The following DAGLB variants were observed in gnomAD, a reference collection of about 807,000 sequenced individuals.
The protein encoded by DAGLB is diacylglycerol lipase beta, also known as diacylglycerol lipase-beta.
A neutral mutation model predicts 72.1 loss-of-function variants in DAGLB; 66 were observed. The ratio of observed to expected loss-of-function variants is 0.92; its 90% CI spans 0.75 to 1.12. The LOEUF is 1.12. Ranked by LOEUF, DAGLB falls within the 50% of genes most tolerant of loss-of-function variation. DAGLB has a pLI of 0.00. For synonymous variants in DAGLB, 414 were observed against 359.5 expected, an observed-to-expected ratio of 1.15 and a Z score of -1.71; for missense variants, 1,065 against 884.9, an observed-to-expected ratio of 1.20 and a Z score of -2.58.
chr7:6,424,635 C>A lies in DAGLB; in HGVS notation c.1140+117G>T, dbSNP rs570737380. On this transcript the variant is annotated intron_variant, in intron 8 of 14. Transcript: ENST00000297056. ...CCAGGCTCACATCCTCATTTTCTGT[C>A]CTCACCATTTTCCCCTGTGTCTCAT... 19 of 950,958 alleles carry A rather than the reference C, an allele frequency of 2.0e-5. No homozygotes were observed. In the South Asian group the frequency reaches 2.4e-4, roughly 12 times the overall value. The allele number at this position is 950,958 out of a possible 1,614,324, so 58.9% of individuals were successfully genotyped here.
At chr7:6,419,777 A>G (rs1784047086) in intron 9 of DAGLB, among the ~76,000 whole-genome samples, 1 of 152,236 alleles carries the variant, frequency 6.6e-6, no homozygotes, top group African/African-American at 2.4e-5. Flanking sequence ...CTCTGTACTA[A>G]GGCTTACAGT....
intron 9 of DAGLB, among the ~76,000 whole-genome samples, chr7:6,421,230 G>C (rs1334630947): frequency 6.6e-6 from 1 of 152,214 alleles, no homozygotes; most frequent in East Asian, 1.9e-4. Context: ...TTTGGGCAAG[G>C]CACTCGCTCT....
intron 8 of DAGLB, among the ~76,000 whole-genome samples, chr7:6,423,308 G>C (rs1382208752): frequency 6.6e-6 from 1 of 152,146 alleles, no homozygotes; most frequent in Non-Finnish European, 1.5e-5. Flanking sequence ...GACGGAGATG[G>C]GAAGCTAGAG....
At chr7:6,432,695 AAGGGGAGGAGGGGGAGGGGAGGG>A in intron 5 of DAGLB, 119 bp downstream of exon 5, 1 of 769,228 alleles carries the variant, frequency 1.3e-6, no homozygotes, top group Non-Finnish European at 1.7e-6. Context: ...GAGGGGAGGG[AAGGGGAGGAGGGGGAGGGGAGGG>A]AGGGGAAAGG....
intron 8 of DAGLB, chr7:6,422,092 A>G: frequency 2.1e-6 from 1 of 475,462 alleles, no homozygotes; most frequent in Non-Finnish European, 4.1e-6. Context: ...TATTCTAAGG[A>G]CCCCGTGGCA....
rs1451576460 is a variant in DAGLB, at chr7:6,410,049, G to A, written c.1821-14C>T. 3.7e-5 allele frequency: 59 copies of A among 1,609,448 alleles called. No homozygotes were observed. The highest frequency in any genetic ancestry group is 4.7e-5 in the Non-Finnish European group (55 of 1,177,068). On this transcript the variant is annotated splice_polypyrimidine_tract_variant and intron_variant, in intron 14 of 14. Transcript: ENST00000297056. Reference sequence around the variant, plus strand: ...CAGCAGCCAAACCTGAAGCAGAAAAGGAGAGACAGCTCCCACGCGGCCCCA... The same window carrying A: ...CAGCAGCCAAACCTGAAGCAGAAAAAGAGAGACAGCTCCCACGCGGCCCCA...
intron 2 of DAGLB, among the ~76,000 whole-genome samples, chr7:6,444,966 G>A (rs1453549569): frequency 6.6e-6 from 1 of 151,358 alleles, no homozygotes; most frequent in Non-Finnish European, 1.5e-5. Flanking sequence ...CATTCACTAG[G>A]ATGGCTATAA....
At chr7:6,427,440 G>A (rs543008757) in intron 6 of DAGLB, among the ~76,000 whole-genome samples, 29 of 152,194 alleles carry the variant, frequency 1.9e-4, no homozygotes, top group Admixed American at 1.7e-3. Context: ...AAGTGTTGGA[G>A]ACCAGCCTGG....
chr7:6,439,270 G>GAAAAAAAAAAA (rs60313792), intron 2 of DAGLB, among the ~76,000 whole-genome samples: 1 of 130,136 alleles, frequency 7.7e-6, no homozygotes, highest in Non-Finnish European at 1.6e-5. Context: ...GAAAAAAAAA[G>GAAAAAAAAAAA]AAAAAAAAAA....
rs1166368277 is a variant in DAGLB, at chr7:6,409,760, A to G, written c.*77T>C. The G allele has an allele frequency of 8.0e-6, 12 of 1,495,164 alleles. No individual in the cohort carries two copies. The Admixed American group carries it at 2.5e-4, about 32-fold the overall frequency. The allele number at this position is 1,495,164 out of a possible 1,614,324, so 92.6% of individuals were successfully genotyped here. On this transcript the variant is annotated 3_prime_UTR_variant, in exon 15 of 15. Coordinates refer to ENST00000297056, the MANE Select transcript of DAGLB (RefSeq NM_139179.4). The stretch of plus-strand genomic sequence containing the variant: ...ACATTCGCTGTTTTGGCGTCATGGG[A>G]ACTCCTCGGATGGTAAGTCAGTTTA...
intron 2 of DAGLB, among the ~76,000 whole-genome samples, chr7:6,438,179 A>C (rs1285802755): frequency 6.6e-6 from 1 of 151,908 alleles, no homozygotes; most frequent in Non-Finnish European, 1.5e-5. Flanking sequence ...CAGGGTGGGG[A>C]ACATCACACA....
At chr7:6,426,731 T>C (rs1475230046) in intron 6 of DAGLB, among the ~76,000 whole-genome samples, 1 of 152,120 alleles carries the variant, frequency 6.6e-6, no homozygotes, top group Non-Finnish European at 1.5e-5. Flanking sequence ...AGCAAACCTG[T>C]CCAAATGAAC....
At chr7:6,426,468 C>T (rs376468492) in intron 6 of DAGLB, among the ~76,000 whole-genome samples, 13 of 152,164 alleles carry the variant, frequency 8.5e-5, no homozygotes, top group African/African-American at 3.1e-4. Flanking sequence ...TAGAGTTTCG[C>T]CATGTTGGCC....
rs781044427 is a variant in DAGLB, at chr7:6,410,195, G to A, written c.1755C>T (p.Pro585=). The A allele has an allele frequency of 2.5e-6, 4 of 1,602,758 alleles. No homozygotes were observed. Among genetic ancestry groups the A allele is most frequent in the South Asian group, 1.1e-5 (1 of 89,974 alleles). The change falls in exon 14 of 15, where the codon CCC becomes CCT. Residue 585 remains proline (P), a synonymous_variant. Transcript: ENST00000297056. ...CGGGAGGGTAGAGAGGGGGGTACTT[G>A]GGAGAAGAGTCCAGTGGGGAGTCGC... The part of the protein sequence containing the change: ...FSSDSPLDSS[P]KYPPLYPPGR...
At chr7:6,440,554 G>C (rs1374188882) in intron 2 of DAGLB, among the ~76,000 whole-genome samples, 4 of 152,086 alleles carry the variant, frequency 2.6e-5, no homozygotes, top group Non-Finnish European at 2.9e-5. Flanking sequence ...TTTCAGCTCA[G>C]ATGACAGGCT....
In DAGLB at chr7:6,416,753, T is replaced by G. The variant is rs552290749; in HGVS notation, c.1301A>C (p.Glu434Ala). Residue 434 changes from glutamate (E) to alanine (A), a missense_variant and splice_region_variant, in exon 11 of 15, where the codon GAG becomes GCG. Physicochemically the swap from Glu to Ala is moderately radical, Grantham distance 107. Transcript: ENST00000297056. ...ILSQAFSIAP[E>A]YRLVIVGHSL... ...GTGGCCCACTATGACCAGCCGGTACTCCTAGAGGACAGACAGCAGAATGAG... is the reference window on the plus strand; with the variant it reads ...GTGGCCCACTATGACCAGCCGGTACGCCTAGAGGACAGACAGCAGAATGAG... 3.7e-6 allele frequency: 6 copies of G among 1,613,708 alleles called. No individual in the cohort carries two copies. In the African/African-American group the frequency reaches 4.0e-5, roughly 11 times the overall value.
At chr7:6,431,169 C>T (rs1784476770) in intron 5 of DAGLB, among the ~76,000 whole-genome samples, 2 of 151,608 alleles carry the variant, frequency 1.3e-5, no homozygotes, top group South Asian at 4.2e-4. Flanking sequence ...TGAAATGAGC[C>T]GGCGCTTCCT....
chr7:6,423,300 C>T (rs763345706), intron 8 of DAGLB, among the ~76,000 whole-genome samples: 3 of 151,990 alleles, frequency 2.0e-5, no homozygotes, highest in Non-Finnish European at 4.4e-5. Context: ...TAGACAAGGA[C>T]GGAGATGGGA....
chr7:6,445,292 C>T (rs1228755584), intron 2 of DAGLB, among the ~76,000 whole-genome samples: 1 of 152,156 alleles, frequency 6.6e-6, no homozygotes, highest in African/African-American at 2.4e-5. Context: ...TCTTATTCAG[C>T]CATCAAAATG....
Sources: gnomAD v4.1 joint callset for allele counts (sites outside exome capture counted in the v4.1 genomes callset) on GRCh38, gnomAD v4.1.1 for gene constraint, MANE v1.5 for transcripts, NCBI Gene and HGNC (gene_info 2026-07-23, HGNC 2026-07-21) for gene names.